The following WASF2 variants were observed in gnomAD, a reference collection of about 807,000 sequenced individuals.
The protein encoded by WASF2 is WASP family member 2, also known as actin-binding protein WASF2.
In WASF2, 14 loss-of-function variants were observed where a neutral mutation model predicts 45.0. The observed-to-expected ratio is 0.31, with a 90% CI of 0.21 to 0.49. The LOEUF is 0.49. Ranked by LOEUF, WASF2 falls within the 20% of genes least tolerant of loss-of-function variation. WASF2 has a pLI of 0.99. For synonymous variants in WASF2, 200 were observed against 236.3 expected, an observed-to-expected ratio of 0.85 and a Z score of 1.41; for missense variants, 439 against 636.1, an observed-to-expected ratio of 0.69 and a Z score of 3.33.
chr1:27,458,728 G>A (rs1323473275), intron 1 of WASF2, among the ~76,000 whole-genome samples: 1 of 152,006 alleles, frequency 6.6e-6, no homozygotes, highest in African/African-American at 2.4e-5. Context: ...GGGAGGTGGA[G>A]GTTGCAGTGA....
At chr1:27,428,184 A>G (rs560793538) in intron 2 of WASF2, among the ~76,000 whole-genome samples, 3 of 152,308 alleles carry the variant, frequency 2.0e-5, no homozygotes, top group African/African-American at 7.2e-5. Flanking sequence ...AGACTGCAGA[A>G]GTAATCTGTA....
At chr1:27,450,729 C>T (rs2017373741) in intron 1 of WASF2, among the ~76,000 whole-genome samples, 1 of 151,996 alleles carries the variant, frequency 6.6e-6, no homozygotes, top group Non-Finnish European at 1.5e-5. Flanking sequence ...GAACTCCTGA[C>T]CTCAGGTGAT....
intron 2 of WASF2, among the ~76,000 whole-genome samples, chr1:27,426,016 C>T (rs1211047329): frequency 6.6e-6 from 1 of 151,326 alleles, no homozygotes; most frequent in African/African-American, 2.4e-5. Flanking sequence ...AACTCTGTCT[C>T]AAAAACACAA....
rs1249096282 is a variant in WASF2, at chr1:27,477,925, A to T, written c.-44+12061T>A. On this transcript the variant is annotated intron_variant, in intron 1 of 8. Coordinates refer to ENST00000618852, the MANE Select transcript of WASF2 (RefSeq NM_006990.5). ...AAAAAAAAAAATAAATAAATAAAAA[A>T]AAAAATAAAAATAAATAAATCTAGG... Among the ~76,000 whole-genome samples the T allele has an allele frequency of 6.1e-3, 893 of 146,586 alleles. 143 individuals are homozygous for T. The highest frequency in any genetic ancestry group is 0.019 in the African/African-American group (700 of 37,484).
intron 1 of WASF2, among the ~76,000 whole-genome samples, chr1:27,473,247 G>A (rs915386716): frequency 1.1e-4 from 17 of 151,796 alleles, no homozygotes; most frequent in Non-Finnish European, 2.2e-4. Flanking sequence ...TTCAGAGGCC[G>A]AGGCGGGCGG....
chr1:27,441,740 C>T (rs574923825), intron 1 of WASF2, among the ~76,000 whole-genome samples: 91 of 101,588 alleles, frequency 9.0e-4, no homozygotes, highest in Middle Eastern at 0.012. Context: ...GGTGACAGAG[C>T]GAGACTCCGT....
intron 2 of WASF2, among the ~76,000 whole-genome samples, chr1:27,428,237 T>C (rs1368070188): frequency 6.6e-6 from 1 of 152,172 alleles, no homozygotes; most frequent in East Asian, 1.9e-4. Flanking sequence ...ATTAAATGTG[T>C]ACCAGGGTGG....
intron 1 of WASF2, among the ~76,000 whole-genome samples, chr1:27,478,604 T>C (rs1283468428): frequency 1.3e-5 from 2 of 152,132 alleles, no homozygotes; most frequent in Non-Finnish European, 1.5e-5. Flanking sequence ...TTTTTTGAGA[T>C]GGAGTTTCAC....
At chr1:27,465,897 T>C (rs918140997) in intron 1 of WASF2, among the ~76,000 whole-genome samples, 1 of 152,186 alleles carries the variant, frequency 6.6e-6, no homozygotes, top group African/African-American at 2.4e-5. Context: ...AGGAACACTA[T>C]CAAAGACTGC....
intron 1 of WASF2, among the ~76,000 whole-genome samples, chr1:27,463,063 G>C (rs538780384): frequency 6.6e-6 from 1 of 152,000 alleles, no homozygotes; most frequent in African/African-American, 2.4e-5. Context: ...CAAGTGATCC[G>C]CCTGCCTGGA....
intron 1 of WASF2, among the ~76,000 whole-genome samples, chr1:27,468,548 G>A (rs2017646253): frequency 1.3e-5 from 2 of 151,818 alleles, no homozygotes; most frequent in Non-Finnish European, 1.5e-5. Flanking sequence ...GGCTGAGGTA[G>A]GAGAATCATT....
chr1:27,416,586 C>T (rs147587224), intron 4 of WASF2, among the ~76,000 whole-genome samples: 5 of 152,326 alleles, frequency 3.3e-5, no homozygotes, highest in African/African-American at 4.8e-5. Flanking sequence ...CACATATATA[C>T]GTGAAAAGTG....
intron 6 of WASF2, among the ~76,000 whole-genome samples, chr1:27,413,379 C>CA (rs1417620030): frequency 1.3e-5 from 2 of 152,136 alleles, no homozygotes; most frequent in African/African-American, 4.8e-5. Flanking sequence ...TGAACAACAA[C>CA]AAAACTTCAA....
rs1423133381 is a variant in WASF2 at position 27,405,272 on chromosome 1, C to G, written c.*2917G>C. Reference sequence around the variant, plus strand: ...TCTGAGCCTCCAAGGGCTGGCTGAGCCTGCCCCCTCCCCCAGGCTGCTCCT... The same window carrying G: ...TCTGAGCCTCCAAGGGCTGGCTGAGGCTGCCCCCTCCCCCAGGCTGCTCCT... On this transcript the variant is annotated 3_prime_UTR_variant, in exon 9 of 9. Coordinates refer to ENST00000618852, the MANE Select transcript of WASF2 (RefSeq NM_006990.5). The G allele has an allele frequency of 1.3e-5, 2 of 152,300 alleles. No individual in the cohort carries two copies. The highest frequency in any genetic ancestry group is 4.8e-5 in the African/African-American group (2 of 41,464). The allele number at this position is 152,300 out of a possible 1,614,324, so 9.4% of individuals were successfully genotyped here. A position where few individuals can be genotyped will look rare whatever the true frequency, so the allele number is the denominator to read the frequency against.
intron 1 of WASF2, among the ~76,000 whole-genome samples, chr1:27,438,670 G>A (rs2017169072): frequency 6.6e-6 from 1 of 152,214 alleles, no homozygotes. Context: ...TGGAGCAGGT[G>A]GGCGGAAGCA....
chr1:27,440,300 G>C (rs1007194341), intron 1 of WASF2, among the ~76,000 whole-genome samples: 1 of 152,170 alleles, frequency 6.6e-6, no homozygotes, highest in Non-Finnish European at 1.5e-5. Context: ...AAGGAGAGTG[G>C]ATCGCTTGAG....
At chr1:27,418,446 GA>G (rs769888020) in intron 3 of WASF2, 24 bp from the exon 4 acceptor site, 1 of 1,614,164 alleles carries the variant, frequency 6.2e-7, no homozygotes, top group Non-Finnish European at 8.5e-7. Context: ...GAAGGCGTTA[GA>G]AAATGGACGA....
chr1:27,451,877 C>G (rs762680452), intron 1 of WASF2, among the ~76,000 whole-genome samples: 30 of 152,278 alleles, frequency 2.0e-4, no homozygotes, highest in Non-Finnish European at 3.7e-4. Context: ...TTTTTCTATA[C>G]ATACATATGA....
At chr1:27,454,129 A>ATC (rs2017424966) in intron 1 of WASF2, among the ~76,000 whole-genome samples, 1 of 7,344 alleles carries the variant, frequency 1.4e-4, no homozygotes, top group African/African-American at 2.8e-4. Flanking sequence ...ATGTGTGTAT[A>ATC]TATATATGTG....
Sources: allele counts gnomAD v4.1 joint callset (sites outside exome capture counted in the v4.1 genomes callset), GRCh38; gene constraint gnomAD v4.1.1; transcripts MANE v1.5; gene names NCBI Gene and HGNC (gene_info 2026-07-23, HGNC 2026-07-21).